AMBRA1: variants seen among roughly 807,000 people sequenced by gnomAD.
AMBRA1 encodes the protein activating molecule in BECN1-regulated autophagy protein 1.
Under a neutral mutation model 125.4 loss-of-function variants are expected in AMBRA1, and 47 were observed. That is an observed-to-expected ratio of 0.37 (90% CI 0.30 to 0.48). The LOEUF (loss-of-function observed/expected upper bound fraction) is 0.48, where lower values mean the gene tolerates loss of function less well. AMBRA1 is among the 20% of genes least tolerant of loss of function. The pLI is 0.99. For missense variants in AMBRA1, 1,331 were observed against 1,693.4 expected (o/e 0.79, Z 3.76); for synonymous variants, 626 against 655.5 (o/e 0.95, Z 0.69).
At chr11:46,524,836 A>C (rs1951899700) in intron 7 of AMBRA1, among the ~76,000 whole-genome samples, 2 of 152,238 alleles carry the variant, frequency 1.3e-5, no homozygotes, top group South Asian at 4.1e-4. Flanking sequence ...GAATACTATA[A>C]AGGTATAAAC....
intron 11 of AMBRA1, among the ~76,000 whole-genome samples, chr11:46,475,841 T>C (rs562104972): frequency 3.9e-5 from 6 of 152,348 alleles, no homozygotes; most frequent in African/African-American, 1.2e-4. Context: ...ACTGTGGCAT[T>C]CACAAGAAAG....
intron 1 of AMBRA1, among the ~76,000 whole-genome samples, chr11:46,585,368 A>G (rs1010538178): frequency 5.3e-5 from 8 of 149,680 alleles, no homozygotes; most frequent in Non-Finnish European, 1.0e-4. Context: ...AAATAAATAA[A>G]TAATTCCAAA....
At chr11:46,538,622 G>A (rs1006198969) in intron 7 of AMBRA1, among the ~76,000 whole-genome samples, 2 of 152,008 alleles carry the variant, frequency 1.3e-5, no homozygotes, top group Non-Finnish European at 2.9e-5. Flanking sequence ...AGCCTCCCAC[G>A]TAGCTAGGAC....
intron 9 of AMBRA1, 82 bp downstream of exon 9, chr11:46,508,109 A>G (rs1262881970): frequency 1.4e-6 from 2 of 1,393,182 alleles, no homozygotes; most frequent in South Asian, 2.5e-5. Flanking sequence ...AACATCCACC[A>G]TTGTAGCTCC....
intron 11 of AMBRA1, among the ~76,000 whole-genome samples, chr11:46,476,388 T>C (rs1949813223): frequency 6.6e-6 from 1 of 152,184 alleles, no homozygotes; most frequent in South Asian, 2.1e-4. Flanking sequence ...TGGTGTATTT[T>C]TAGGGGTGGC....
At chr11:46,449,694 C>G (rs1195465969) in intron 11 of AMBRA1, among the ~76,000 whole-genome samples, 1 of 152,100 alleles carries the variant, frequency 6.6e-6, no homozygotes, top group Non-Finnish European at 1.5e-5. Context: ...TATGAAAGGG[C>G]AAAAGACCCA....
chr11:46,488,908 T>C (rs1950361496), intron 11 of AMBRA1, among the ~76,000 whole-genome samples: 1 of 152,118 alleles, frequency 6.6e-6, no homozygotes, highest in Non-Finnish European at 1.5e-5. Flanking sequence ...AAAGGTTTTT[T>C]TGTTTTTTTG....
At chr11:46,454,750 C>A (rs1229032713) in intron 11 of AMBRA1, among the ~76,000 whole-genome samples, 2 of 149,440 alleles carry the variant, frequency 1.3e-5, no homozygotes, top group Non-Finnish European at 3.0e-5. Context: ...GACTCCATCT[C>A]AAAAAAATAA....
chr11:46,419,567 C>A (rs1946742439), intron 14 of AMBRA1, among the ~76,000 whole-genome samples: 1 of 152,136 alleles, frequency 6.6e-6, no homozygotes, highest in Admixed American at 6.5e-5. Context: ...TCATCAGGGC[C>A]TATGAAAACG....
chr11:46,565,831 T>C (rs1023036083), intron 1 of AMBRA1, among the ~76,000 whole-genome samples: 1 of 152,044 alleles, frequency 6.6e-6, no homozygotes, highest in African/African-American at 2.4e-5. Flanking sequence ...GTGGGTAGCA[T>C]GACCAATCTT....
intron 7 of AMBRA1, among the ~76,000 whole-genome samples, chr11:46,521,394 CAA>C (rs1951754534): frequency 1.3e-5 from 2 of 152,246 alleles, no homozygotes; most frequent in South Asian, 2.1e-4. Context: ...TGTAAATTGC[CAA>C]AAGAGACCCC....
intron 1 of AMBRA1, among the ~76,000 whole-genome samples, chr11:46,588,465 T>A (rs1376618604): frequency 6.6e-6 from 1 of 152,146 alleles, no homozygotes; most frequent in African/African-American, 2.4e-5. Flanking sequence ...ATACTTTTTC[T>A]CAATGTAATC....
At chr11:46,439,822 A>C (rs1947914015) in intron 12 of AMBRA1, among the ~76,000 whole-genome samples, 2 of 152,238 alleles carry the variant, frequency 1.3e-5, no homozygotes, top group South Asian at 4.1e-4. Flanking sequence ...TGGACAGGTC[A>C]AGAGAAGGGA....
At chr11:46,427,255 AC>A (rs1194281650) in intron 14 of AMBRA1, among the ~76,000 whole-genome samples, 1 of 152,210 alleles carries the variant, frequency 6.6e-6, no homozygotes, top group Non-Finnish European at 1.5e-5. Context: ...AACTATAGTT[AC>A]CACTAATTTG....
At chr11:46,570,924 A>G (rs2043735431) in intron 1 of AMBRA1, among the ~76,000 whole-genome samples, 1 of 152,210 alleles carries the variant, frequency 6.6e-6, no homozygotes, top group African/African-American at 2.4e-5. Flanking sequence ...AAAAAAATAA[A>G]TGAACAAAAA....
intron 1 of AMBRA1, among the ~76,000 whole-genome samples, chr11:46,578,762 T>A (rs1487038415): frequency 1.3e-5 from 2 of 150,102 alleles, no homozygotes; most frequent in East Asian, 4.0e-4. Flanking sequence ...GCGTCTGTAG[T>A]CCCAGCTACT....
intron 1 of AMBRA1, among the ~76,000 whole-genome samples, chr11:46,555,808 T>C (rs531971913): frequency 5.9e-5 from 9 of 152,312 alleles, no homozygotes; most frequent in African/African-American, 2.2e-4. Flanking sequence ...CCCCAAATCT[T>C]CCCCTTCCTA....
chr11:46,453,994 C>T (rs1948735466), intron 11 of AMBRA1, among the ~76,000 whole-genome samples: 1 of 152,068 alleles, frequency 6.6e-6, no homozygotes, highest in Non-Finnish European at 1.5e-5. Flanking sequence ...CAATAAACTC[C>T]TAAAGGCTCC....
intron 1 of AMBRA1, among the ~76,000 whole-genome samples, chr11:46,552,413 C>A (rs2043032718): frequency 7.9e-6 from 1 of 126,578 alleles, no homozygotes; most frequent in Admixed American, 8.5e-5. Context: ...AAAGGCCAGG[C>A]ACGGTAGCTC....
Sources: allele counts gnomAD v4.1 joint callset (sites outside exome capture counted in the v4.1 genomes callset), GRCh38; gene constraint gnomAD v4.1.1; transcripts MANE v1.5; gene names NCBI Gene and HGNC (gene_info 2026-07-23, HGNC 2026-07-21).